Variants in NAPB observed in about 807,000 individuals in gnomAD.
The protein encoded by NAPB is beta-soluble NSF attachment protein.
In NAPB, 26 loss-of-function variants were observed where a neutral mutation model predicts 44.7. The observed-to-expected ratio is 0.58, with a 90% CI of 0.43 to 0.81. NAPB has a LOEUF of 0.81. NAPB is among the 30% of genes least tolerant of loss of function. NAPB has a pLI of 0.00. For synonymous variants in NAPB, 120 were observed against 116.8 expected, an observed-to-expected ratio of 1.03 and a Z score of -0.18; for missense variants, 315 against 356.4, an observed-to-expected ratio of 0.88 and a Z score of 0.94.
intron 5 of NAPB, among the ~76,000 whole-genome samples, chr20:23,393,784 G>A (rs1395728670): frequency 6.6e-6 from 1 of 152,170 alleles, no homozygotes; most frequent in African/African-American, 2.4e-5. Flanking sequence ...CATGGAAATA[G>A]GTAATAAATG....
At chr20:23,389,231 TAAAA>T (rs71330886) in intron 7 of NAPB, among the ~76,000 whole-genome samples, 1 of 115,394 alleles carries the variant, frequency 8.7e-6, no homozygotes, top group African/African-American at 3.3e-5. Context: ...GACTATTATT[TAAAA>T]AAAAAAAAAA....
At position 23,403,046 on chromosome 20, in the gene NAPB, C is replaced by G; in HGVS notation, c.125G>C (p.Cys42Ser). The G allele has an allele frequency of 6.2e-7, 1 of 1,613,878 alleles. No individual in the cohort carries two copies. Among genetic ancestry groups the G allele is most frequent in the South Asian group, 1.1e-5 (1 of 91,048 alleles). The stretch of plus-strand genomic sequence containing the variant: ...ATTTGCAGCTCTGGTATACATTTCA[C>G]AAGCCTCTTCTATTCTTGTGTTTCC... ...FGGNTRIEEA[C>S]EMYTRAANMF... is the part of the protein sequence containing the mutation. The change falls in exon 2 of 11, where the codon TGT (cysteine) becomes TCT (serine). Residue 42 changes from cysteine to serine, a missense_variant. Cys to Ser is a moderately radical substitution (Grantham distance 112). This residue lies in a region of NAPB where 179 missense variants were observed against 182.5 expected (regional missense o/e 0.98). Transcript: ENST00000377026.
intron 1 of NAPB, 116 bp from the exon 2 acceptor site, chr20:23,403,188 T>A: frequency 2.7e-6 from 2 of 729,834 alleles, no homozygotes; most frequent in South Asian, 1.8e-5. Context: ...CATTACAGAA[T>A]CTTAACCTCT....
chr20:23,397,379 T>G (rs1482418616), intron 2 of NAPB, among the ~76,000 whole-genome samples, 191 bp from the exon 3 acceptor site: 1 of 152,236 alleles, frequency 6.6e-6, no homozygotes, highest in East Asian at 1.9e-4. Flanking sequence ...CAAACAGCGA[T>G]GAAAGCTTCT....
chr20:23,404,180 C>A (rs1426335975), intron 1 of NAPB, among the ~76,000 whole-genome samples: 1 of 152,166 alleles, frequency 6.6e-6, no homozygotes, highest in Non-Finnish European at 1.5e-5. Flanking sequence ...AAGGCCCCTC[C>A]ATGAAAGACG....
intron 5 of NAPB, among the ~76,000 whole-genome samples, chr20:23,391,456 T>C (rs1983953363): frequency 6.6e-6 from 1 of 152,246 alleles, no homozygotes; most frequent in Non-Finnish European, 1.5e-5. Context: ...AGCTGGTTTG[T>C]AGACGGTGGT....
chr20:23,393,899 G>A lies in NAPB; in HGVS notation c.420+1023C>T, dbSNP rs142763518. ...AAGAGCTTTGCAGACAGAGGAAATC[G>A]TGGATACAAAGGTCCTGAGGCAGGA... On this transcript the variant is annotated intron_variant, in intron 5 of 10. Coordinates refer to ENST00000377026, the MANE Select transcript of NAPB (RefSeq NM_022080.3). 3.3e-4 allele frequency among the ~76,000 whole-genome samples: 50 copies of A among 152,346 alleles called. 1 individual carries two copies. The East Asian group carries it at 7.5e-3, about 23-fold the overall frequency.
Position 23,421,417 on chromosome 20 carries a change from C to G in NAPB, c.-15G>C. ...GCGTTGTCCATGTCGCCCGCCGCGG[C>G]CGCCACAGCCCCCTCAGCCGGCTCG... On this transcript the variant is annotated 5_prime_UTR_variant, in exon 1 of 11. Transcript: ENST00000377026. The G allele has an allele frequency of 6.5e-7, 1 of 1,541,104 alleles. No individual in the cohort carries two copies. The highest frequency in any genetic ancestry group is 1.2e-5 in the South Asian group (1 of 83,484).
chr20:23,385,734 GAAGAGAA>G (rs1254156149), intron 7 of NAPB, among the ~76,000 whole-genome samples: 6 of 131,374 alleles, frequency 4.6e-5, no homozygotes, highest in East Asian at 2.4e-4. Flanking sequence ...AGAAGAGAAA[GAAGAGAA>G]AGAGAGAGAG....
intron 1 of NAPB, among the ~76,000 whole-genome samples, chr20:23,412,994 A>C (rs931283752): frequency 1.3e-5 from 2 of 152,128 alleles, no homozygotes; most frequent in African/African-American, 2.4e-5. Context: ...TGTCTCCAAA[A>C]AAATAAAGTG....
At chr20:23,415,833 G>A (rs752127156) in intron 1 of NAPB, among the ~76,000 whole-genome samples, 2 of 152,032 alleles carry the variant, frequency 1.3e-5, no homozygotes, top group Non-Finnish European at 2.9e-5. Flanking sequence ...AGGCATGGTA[G>A]TGCATGCCTG....
intron 1 of NAPB, among the ~76,000 whole-genome samples, chr20:23,409,465 G>C (rs147566330): frequency 1.4e-3 from 219 of 152,260 alleles, no homozygotes; most frequent in African/African-American, 4.9e-3. Flanking sequence ...TCTTTATAGA[G>C]AAGAAATAGG....
rs750501584 is a variant in NAPB at position 23,375,494 on chromosome 20, G to T, written c.*1882C>A. ...ATTTTCACAAAAGTGCATTTGGCTG[G>T]TTGTAGGATATATTATTAGGTGGGG... On this transcript the variant is annotated 3_prime_UTR_variant, in exon 11 of 11. Transcript: ENST00000377026. 4 of 142,122 alleles carry T rather than the reference G, an allele frequency of 2.8e-5. No individual in the cohort carries two copies. The highest frequency in any genetic ancestry group is 6.4e-5 in the Non-Finnish European group (4 of 62,418). 8.8% of individuals were successfully genotyped at this position (142,122 alleles called of 1,614,324 possible).
intron 1 of NAPB, among the ~76,000 whole-genome samples, chr20:23,418,071 T>C (rs1203830493): frequency 6.6e-6 from 1 of 152,198 alleles, no homozygotes; most frequent in African/African-American, 2.4e-5. Flanking sequence ...AGAATGTCTG[T>C]GATGTGAAAT....
chr20:23,398,417 T>A (rs766748218), intron 2 of NAPB, among the ~76,000 whole-genome samples: 6 of 152,160 alleles, frequency 3.9e-5, no homozygotes, highest in Non-Finnish European at 8.8e-5. Flanking sequence ...TCACCCAGGC[T>A]GCAGTGCAGT....
Position 23,421,483 on chromosome 20 carries a change from A to T in NAPB, c.-81T>A. On this transcript the variant is annotated 5_prime_UTR_variant, in exon 1 of 11. Coordinates refer to ENST00000377026, the MANE Select transcript of NAPB (RefSeq NM_022080.3). ...CCTTAACCCTCCCTCTGGCGGCCGC[A>T]GGGACGCAGGCGCAGGCGCGACGCG... is the stretch of plus-strand genomic sequence containing the variant. The T allele has an allele frequency of 3.8e-6, 5 of 1,298,814 alleles. No homozygotes were observed. In the South Asian group the frequency reaches 6.8e-5, roughly 18 times the overall value. The allele number at this position is 1,298,814 out of a possible 1,614,324, so 80.5% of individuals were successfully genotyped here.
chr20:23,398,694 A>AT (rs578030228), intron 2 of NAPB, among the ~76,000 whole-genome samples: 20 of 151,532 alleles, frequency 1.3e-4, no homozygotes, highest in African/African-American at 3.6e-4. Context: ...AATACAAAAA[A>AT]TTAGCTGGGC....
chr20:23,409,285 TCAAA>T (rs1345903312), intron 1 of NAPB, among the ~76,000 whole-genome samples: 1 of 152,190 alleles, frequency 6.6e-6, no homozygotes, highest in African/African-American at 2.4e-5. Context: ...TCATAGATTC[TCAAA>T]CAGAGAAAAT....
chr20:23,380,923 A>G (rs928474218), intron 8 of NAPB: 1 of 280,012 alleles, frequency 3.6e-6, no homozygotes, highest in African/African-American at 2.2e-5. Context: ...ATTCCCAGGC[A>G]GTGCCCCCCA....
Sources: allele counts gnomAD v4.1 joint callset (sites outside exome capture counted in the v4.1 genomes callset), GRCh38; gene constraint gnomAD v4.1.1; regional missense constraint gnomAD v4.1.1; transcripts MANE v1.5; gene names NCBI Gene and HGNC (gene_info 2026-07-23, HGNC 2026-07-21).